The following DICER1 variants were observed in gnomAD, a reference collection of about 807,000 sequenced individuals.
DICER1 encodes the protein endoribonuclease Dicer.
A neutral mutation model predicts 194.1 loss-of-function variants in DICER1; 43 were observed. The observed-to-expected ratio is 0.22, with a 90% CI of 0.17 to 0.29. DICER1 has a LOEUF of 0.29. DICER1 is among the 10% of genes least tolerant of loss of function. The pLI, the probability that DICER1 is intolerant of heterozygous loss-of-function variation, is 1.00. For missense variants in DICER1, 1,608 were observed against 2,317.0 expected (o/e 0.69, Z 6.28); for synonymous variants, 832 against 820.5 (o/e 1.01, Z -0.24).
rs572403343 is a variant in DICER1 at position 95,151,055 on chromosome 14, CAT to C, written c.-46+6173_-46+6174del. Among the ~76,000 whole-genome samples, 541 of 152,284 alleles carry C rather than the reference CAT, an allele frequency of 3.6e-3. 3 individuals carry two copies. The highest frequency in any genetic ancestry group is 0.013 in the African/African-American group (532 of 41,560). ...AAACCTGAATCTAATCATAAGGAAA[CAT>C]AAAACCTAACTTGAGGTTTATTTTA... On this transcript the variant is annotated intron_variant, in intron 1 of 26. Coordinates refer to ENST00000343455, the MANE Select transcript of DICER1 (RefSeq NM_177438.3).
intron 1 of DICER1, among the ~76,000 whole-genome samples, chr14:95,145,226 C>T (rs1374143548): frequency 6.6e-6 from 1 of 152,184 alleles, no homozygotes; most frequent in East Asian, 1.9e-4. Flanking sequence ...ATTCACAGAT[C>T]CCAGCAATAG....
rs1230911308 is a variant in DICER1, at chr14:95,124,915, T to C, written c.904-247A>G. ...ACAGAAATTAAAAGATGCAATTGTA[T>C]GAGGTTAATGAAGCTTATTTTTAGA... On this transcript the variant is annotated intron_variant, in intron 7 of 26. Transcript: ENST00000343455. The surrounding 1 kb of genome is among the most constrained non-coding windows in gnomAD (Gnocchi z 4.5). Among the ~76,000 whole-genome samples, 1 of 152,226 alleles carries C rather than the reference T, an allele frequency of 6.6e-6. No individual in the cohort carries two copies. The highest frequency in any genetic ancestry group is 2.4e-5 in the African/African-American group (1 of 41,458).
Position 95,086,904 on chromosome 14 carries a change from T to C in DICER1, c.*3594A>G, listed in dbSNP as rs1889380198. 1 of 232,706 alleles carries C rather than the reference T, an allele frequency of 4.3e-6. No individual in the cohort carries two copies. The highest frequency in any genetic ancestry group is 8.5e-6 in the Non-Finnish European group (1 of 117,802). The allele number at this position is 232,706 out of a possible 1,614,324, so 14.4% of individuals were successfully genotyped here. A position where few individuals can be genotyped will look rare whatever the true frequency, so the allele number is the denominator to read the frequency against. ...AACCATATAGGTAATAAACATGACA[T>C]GAGTTTCTCTTCTGCAGATAATGCA... On this transcript the variant is annotated 3_prime_UTR_variant, in exon 27 of 27. Transcript: ENST00000343455.
In DICER1 at chr14:95,117,712, A is replaced by G. The variant is rs879221429; in HGVS notation, c.1419T>C (p.Tyr473=). ...GTCCAGTTATGAAATTGCTACTGAT[A>G]TAAGCCAGCTCTGGATCTTGTTTGC... ...EAGKQDPELA[Y]ISSNFITGHG... Residue 473 remains tyrosine (Y), a synonymous_variant, in exon 9 of 27, where the codon TAT becomes TAC. Coordinates refer to ENST00000343455, the MANE Select transcript of DICER1 (RefSeq NM_177438.3). The G allele has an allele frequency of 3.1e-6, 5 of 1,613,934 alleles. No individual in the cohort carries two copies. In the South Asian group the frequency reaches 5.5e-5, roughly 18 times the overall value.
intron 1 of DICER1, among the ~76,000 whole-genome samples, chr14:95,142,200 C>T (rs1170185344): frequency 6.6e-6 from 1 of 152,048 alleles, no homozygotes; most frequent in East Asian, 1.9e-4. Context: ...TCAAGTGATC[C>T]TCCCACCGTG....
intron 21 of DICER1, 37 bp from the exon 22 acceptor site, chr14:95,099,972 G>T: frequency 6.2e-7 from 1 of 1,610,746 alleles, no homozygotes. Flanking sequence ...ATCCATAAAT[G>T]ATCACTGCTG....
chr14:95,157,927 G>A (rs1397236860), upstream of DICER1: 1 of 152,192 alleles, frequency 6.6e-6, no homozygotes, highest in Non-Finnish European at 1.5e-5. Flanking sequence ...CCTTTTTAAA[G>A]TACCTTCCCA....
In DICER1 at chr14:95,087,083, C is replaced by T. The variant is rs984518166; in HGVS notation, c.*3415G>A. On this transcript the variant is annotated 3_prime_UTR_variant, in exon 27 of 27. Transcript: ENST00000343455. ...TCAACGGGGCCTTGTGCATGAACTGCGCTCGATCTGGATTCCAGTGATCCT... is the reference window on the plus strand; with the variant it reads ...TCAACGGGGCCTTGTGCATGAACTGTGCTCGATCTGGATTCCAGTGATCCT... The T allele has an allele frequency of 2.1e-5, 5 of 232,914 alleles. No individual in the cohort carries two copies. The highest frequency in any genetic ancestry group is 1.1e-4 in the African/African-American group (5 of 45,308). 14.4% of individuals were successfully genotyped at this position (232,914 alleles called of 1,614,324 possible).
intron 11 of DICER1, among the ~76,000 whole-genome samples, chr14:95,113,598 A>G (rs1015706560): frequency 6.6e-6 from 1 of 152,232 alleles, no homozygotes; most frequent in African/African-American, 2.4e-5. Flanking sequence ...AAGAAAACAT[A>G]CTGCCAATGT....
intron 8 of DICER1, among the ~76,000 whole-genome samples, chr14:95,121,938 T>A (rs1362898880): frequency 6.6e-6 from 1 of 152,200 alleles, no homozygotes; most frequent in Non-Finnish European, 1.5e-5. Flanking sequence ...TATATTACAA[T>A]AGCTTATATG....
Position 95,157,357 on chromosome 14 carries a change from C to A in DICER1, c.-173G>T. 1 of 155,358 alleles carries A rather than the reference C, an allele frequency of 6.4e-6. No individual in the cohort carries two copies. Among genetic ancestry groups the A allele is most frequent in the South Asian group, 1.8e-4 (1 of 5,512 alleles). 9.6% of individuals were successfully genotyped at this position (155,358 alleles called of 1,614,324 possible). ...GCCGCCATTTCCTCGCGCTCGCCGTCGCCTCGTCCCCGCTGTCAGGTTACT... is the reference window on the plus strand; with the variant it reads ...GCCGCCATTTCCTCGCGCTCGCCGTAGCCTCGTCCCCGCTGTCAGGTTACT... On this transcript the variant is annotated 5_prime_UTR_variant, in exon 1 of 27. Transcript: ENST00000343455.
chr14:95,104,923 CCT>C, intron 20 of DICER1, 146 bp downstream of exon 20: 1 of 738,816 alleles, frequency 1.4e-6, no homozygotes, highest in Non-Finnish European at 2.2e-6. Context: ...TTCTCATCTC[CCT>C]CTGAGACTTG....
intron 15 of DICER1, 60 bp from the exon 16 acceptor site, chr14:95,108,153 G>C: frequency 7.1e-7 from 1 of 1,402,128 alleles, no homozygotes; most frequent in Non-Finnish European, 1.0e-6. Flanking sequence ...TTCCATTACA[G>C]TTAACTTCAG....
intron 1 of DICER1, among the ~76,000 whole-genome samples, chr14:95,147,705 A>G (rs972582369): frequency 1.8e-4 from 27 of 152,194 alleles, no homozygotes; most frequent in African/African-American, 6.3e-4. Context: ...AGATAGCATC[A>G]GATCCCACAG....
intron 4 of DICER1, among the ~76,000 whole-genome samples, chr14:95,130,641 T>C (rs1244671291): frequency 6.6e-6 from 1 of 152,242 alleles, no homozygotes; most frequent in Non-Finnish European, 1.5e-5. Flanking sequence ...TGAGGACTTA[T>C]CCCAGTATGT....
intron 23 of DICER1, 53 bp from the exon 24 acceptor site, chr14:95,094,209 C>A: frequency 1.2e-6 from 2 of 1,603,126 alleles, no homozygotes; most frequent in Non-Finnish European, 1.7e-6. Context: ...TTTACACTAT[C>A]CCCACATAGC....
At chr14:95,141,457 A>G (rs1026647842) in intron 1 of DICER1, among the ~76,000 whole-genome samples, 3 of 152,238 alleles carry the variant, frequency 2.0e-5, no homozygotes, top group African/African-American at 7.2e-5. Flanking sequence ...GTTAGATCTG[A>G]CATCAGACTT....
intron 12 of DICER1, 121 bp from the exon 13 acceptor site, chr14:95,112,368 CTTTA>C (rs1892057314): frequency 1.2e-6 from 1 of 813,438 alleles, no homozygotes; most frequent in East Asian, 2.7e-5. Context: ...AAACAAAATT[CTTTA>C]TTTTGAAAAA....
chr14:95,115,788 T>C lies in DICER1; in HGVS notation c.1786A>G (p.Thr596Ala), dbSNP rs1892394593. 2 of 1,614,184 alleles carry C rather than the reference T, an allele frequency of 1.2e-6. No individual in the cohort carries two copies. Among genetic ancestry groups the C allele is most frequent in the Non-Finnish European group, 1.7e-6 (2 of 1,180,022 alleles). Residue 596 changes from threonine (T) to alanine (A), a missense_variant, in exon 11 of 27, where the codon ACT becomes GCT. By Grantham distance (58) the Thr-to-Ala change is moderately conservative. Transcript: ENST00000343455. Reference sequence around the variant, plus strand: ...ACAGGATCAATGTCAGTCTCACCAGTATCAACCGACTTGGAACACTTGTTT... The same window carrying C: ...ACAGGATCAATGTCAGTCTCACCAGCATCAACCGACTTGGAACACTTGTTT... ...LRNKCSKSVD[T>A]GETDIDPVMD... is the part of the protein sequence containing the mutation.
Sources: allele counts gnomAD v4.1 joint callset (sites outside exome capture counted in the v4.1 genomes callset), GRCh38; gene constraint gnomAD v4.1.1; non-coding constraint Gnocchi (gnomAD v3.1); transcripts MANE v1.5; gene names NCBI Gene and HGNC (gene_info 2026-07-23, HGNC 2026-07-21).